CFAP92: variants seen among roughly 807,000 people sequenced by gnomAD.
CFAP92 encodes uncharacterized protein CFAP92.
CFAP92 carries 86 observed loss-of-function variants against 106.3 expected under a neutral mutation model. That is an observed-to-expected ratio of 0.81 (90% CI 0.68 to 0.97). The LOEUF (loss-of-function observed/expected upper bound fraction) is 0.97, where lower values mean the gene tolerates loss of function less well. CFAP92 is among the 50% of genes least tolerant of loss of function. The pLI is 0.00. For synonymous variants in CFAP92, 477 were observed against 506.4 expected (o/e 0.94, Z 0.78); for missense variants, 1,204 against 1,283.8 (o/e 0.94, Z 0.95).
the CFAP92 span, among the ~76,000 whole-genome samples, chr3:129,009,966 C>T: frequency 6.6e-6 from 1 of 152,228 alleles, no homozygotes; most frequent in Non-Finnish European, 1.5e-5. Context: ...CTGTCCGTAG[C>T]TGGGAGCCCT....
intron 9 of CFAP92, among the ~76,000 whole-genome samples, chr3:128,957,859 T>G (rs987472356): frequency 2.0e-5 from 3 of 152,114 alleles, no homozygotes; most frequent in African/African-American, 7.2e-5. Flanking sequence ...TGACAGAAAT[T>G]TATTGTCTCC....
chr3:128,966,023 C>G (rs1942339244), intron 8 of CFAP92, among the ~76,000 whole-genome samples: 1 of 152,146 alleles, frequency 6.6e-6, no homozygotes, highest in Non-Finnish European at 1.5e-5. Context: ...CACTCCCAGA[C>G]AGTCTGATTT....
rs1442005417 is a variant in CFAP92, at chr3:128,991,760, G to A, written c.262+1283C>T. ...TCGTGTTGTCTGTTGGTGCGCTCTC[G>A]GGGTTCCAACCCATACAAGAAACTT... On this transcript the variant is annotated intron_variant, in intron 2 of 15. Transcript: ENST00000645291. 1.1e-5 allele frequency: 11 copies of A among 1,011,016 alleles called. No individual in the cohort carries two copies. The Admixed American group carries it at 4.2e-4, about 39-fold the overall frequency. The allele number at this position is 1,011,016 out of a possible 1,614,324, so 62.6% of individuals were successfully genotyped here. A position where few individuals can be genotyped will look rare whatever the true frequency, so the allele number is the denominator to read the frequency against.
At chr3:128,913,479 A>ACACCAGGTCCCAGCGTG (rs984712380) in intron 15 of CFAP92, among the ~76,000 whole-genome samples, 1 of 152,110 alleles carries the variant, frequency 6.6e-6, no homozygotes, top group African/African-American at 2.4e-5. Context: ...TTGAAAGATT[A>ACACCAGGTCCCAGCGTG]CACCAGGTCC....
chr3:128,940,875 T>G (rs1036106625), intron 10 of CFAP92, among the ~76,000 whole-genome samples: 3 of 152,116 alleles, frequency 2.0e-5, no homozygotes, highest in Admixed American at 6.5e-5. Context: ...GTATGGACTT[T>G]GATGAAAAAA....
At chr3:129,002,758 C>T (rs2107848557), upstream of CFAP92, 2 of 173,870 alleles carry the variant, frequency 1.2e-5, no homozygotes, top group East Asian at 3.2e-4. Flanking sequence ...TTAGGGATAT[C>T]CCTGCCTCCT....
the CFAP92 span, among the ~76,000 whole-genome samples, chr3:129,022,295 A>T: frequency 6.6e-6 from 1 of 152,226 alleles, no homozygotes; most frequent in Non-Finnish European, 1.5e-5. Flanking sequence ...AATGAAATAG[A>T]GGCTCAGAGA....
intron 12 of CFAP92, among the ~76,000 whole-genome samples, chr3:128,916,541 C>T (rs1936833242): frequency 6.6e-6 from 1 of 152,164 alleles, no homozygotes; most frequent in South Asian, 2.1e-4. Context: ...CACTCATCTC[C>T]CAACCACCTT....
intron 12 of CFAP92, among the ~76,000 whole-genome samples, chr3:128,924,544 A>T (rs1937533999): frequency 7.4e-6 from 1 of 134,772 alleles, no homozygotes. Context: ...CCCTGGGTTC[A>T]TGTGATTCTC....
upstream of CFAP92, among the ~76,000 whole-genome samples, chr3:128,998,551 A>T (rs529175475): frequency 2.0e-5 from 3 of 152,318 alleles, no homozygotes; most frequent in South Asian, 6.2e-4. Flanking sequence ...CAGGCTGATA[A>T]TACCACAAGC....
chr3:128,999,439 C>T (rs892882566), intron 1 of CFAP92, among the ~76,000 whole-genome samples: 3 of 151,458 alleles, frequency 2.0e-5, no homozygotes, highest in Non-Finnish European at 2.9e-5. Flanking sequence ...CAAAGGATTC[C>T]TTCACCAGCT....
At chr3:129,007,622 G>A (rs566279545), upstream of CFAP92, among the ~76,000 whole-genome samples, 2 of 152,284 alleles carry the variant, frequency 1.3e-5, no homozygotes, top group South Asian at 2.1e-4. Flanking sequence ...GTATTATGTC[G>A]GATGTTTCAA....
rs553402585 is a variant in CFAP92, at chr3:128,946,634, C to T, written c.1354-659G>A. Among the ~76,000 whole-genome samples the T allele has an allele frequency of 5.9e-5, 9 of 152,306 alleles. No individual in the cohort carries two copies. The South Asian group carries it at 1.7e-3, about 28-fold the overall frequency. On this transcript the variant is annotated intron_variant, in intron 9 of 15. Transcript: ENST00000645291. Reference sequence around the variant, plus strand: ...ATCTAAAGGCACTATTTATTTTACACGGAAGCTGAGAATTTATTCTAAAAT... The same window carrying T: ...ATCTAAAGGCACTATTTATTTTACATGGAAGCTGAGAATTTATTCTAAAAT...
At chr3:128,988,354 A>C (rs1293024888) in intron 3 of CFAP92, among the ~76,000 whole-genome samples, 5 of 152,190 alleles carry the variant, frequency 3.3e-5, no homozygotes, top group Non-Finnish European at 7.3e-5. Context: ...CAGCCTGGCC[A>C]ACATAGTGAA....
At chr3:128,988,699 C>A in intron 3 of CFAP92, 29 bp downstream of exon 3, 1 of 1,608,882 alleles carries the variant, frequency 6.2e-7, no homozygotes, top group South Asian at 1.1e-5. Context: ...TCAGACCATA[C>A]ACAAGGCCAC....
chr3:128,958,313 AAAGGGTAGCACG>A (rs1941606362), intron 9 of CFAP92, among the ~76,000 whole-genome samples: 1 of 152,198 alleles, frequency 6.6e-6, no homozygotes, highest in African/African-American at 2.4e-5. Context: ...TGTGACTATA[AAAGGGTAGCACG>A]AAGGAGATCT....
intron 9 of CFAP92, among the ~76,000 whole-genome samples, chr3:128,953,505 ACT>A (rs1397460870): frequency 6.6e-6 from 1 of 151,826 alleles, no homozygotes; most frequent in African/African-American, 2.4e-5. Context: ...ACAGAGCAAG[ACT>A]CTGTCTCAAG....
the CFAP92 span, among the ~76,000 whole-genome samples, chr3:129,012,732 C>G: frequency 1.3e-5 from 2 of 152,184 alleles, no homozygotes; most frequent in Non-Finnish European, 2.9e-5. Context: ...AAGGTTGGTG[C>G]TGTTACCAGG....
At chr3:128,921,040 CAATA>C (rs566606717) in intron 12 of CFAP92, among the ~76,000 whole-genome samples, 144 of 152,288 alleles carry the variant, frequency 9.5e-4, no homozygotes, top group Non-Finnish European at 1.3e-3. Context: ...CTTTGATCAC[CAATA>C]AATAGTGTGG....
Sources: gnomAD v4.1 joint callset for allele counts (sites outside exome capture counted in the v4.1 genomes callset) on GRCh38, gnomAD v4.1.1 for gene constraint, MANE v1.5 for transcripts, NCBI Gene and HGNC (gene_info 2026-07-23, HGNC 2026-07-21) for gene names.